Variants in SMYD3 observed in about 807,000 individuals in gnomAD.
The protein encoded by SMYD3 is histone-lysine N-methyltransferase SMYD3.
SMYD3 carries 36 observed loss-of-function variants against 57.7 expected under a neutral mutation model. That is an observed-to-expected ratio of 0.62 (90% CI 0.48 to 0.82). The LOEUF (loss-of-function observed/expected upper bound fraction) is 0.82. SMYD3 is among the 40% of genes least tolerant of loss of function. The pLI, the probability that SMYD3 is intolerant of heterozygous loss-of-function variation, is 0.00. For missense variants in SMYD3, 515 were observed against 538.8 expected (o/e 0.96, Z 0.44); for synonymous variants, 211 against 195.0 (o/e 1.08, Z -0.68).
chr1:246,498,183 T>C (rs2068393999), intron 1 of SMYD3, among the ~76,000 whole-genome samples: 1 of 152,194 alleles, frequency 6.6e-6, no homozygotes, highest in South Asian at 2.1e-4. Flanking sequence ...TTGAGGAATC[T>C]ACCCTGAAGA....
chr1:245,977,953 AAAG>A (rs941071113), intron 5 of SMYD3, among the ~76,000 whole-genome samples: 4 of 152,206 alleles, frequency 2.6e-5, no homozygotes, highest in African/African-American at 4.8e-5. Flanking sequence ...TTTTACAGAT[AAAG>A]AAGATGTGAA....
intron 5 of SMYD3, chr1:245,955,997 T>A (rs2147966617): frequency 5.1e-6 from 5 of 985,400 alleles, no homozygotes; most frequent in Non-Finnish European, 6.0e-6. Flanking sequence ...TGAAGAGAAT[T>A]TCCATAGGAA....
At chr1:245,924,243 A>C (rs554420719) in intron 7 of SMYD3, among the ~76,000 whole-genome samples, 3 of 152,328 alleles carry the variant, frequency 2.0e-5, no homozygotes, top group South Asian at 4.2e-4. Flanking sequence ...TCAGCAATCC[A>C]GTCAAGTGAG....
At chr1:246,304,921 T>G (rs1235364649) in intron 5 of SMYD3, among the ~76,000 whole-genome samples, 1 of 152,224 alleles carries the variant, frequency 6.6e-6, no homozygotes, top group Non-Finnish European at 1.5e-5. Context: ...TTTTTTATGT[T>G]CCTGCACTCC....
chr1:246,084,686 A>C (rs917463848), intron 5 of SMYD3, among the ~76,000 whole-genome samples: 6 of 152,226 alleles, frequency 3.9e-5, no homozygotes, highest in African/African-American at 1.4e-4. Flanking sequence ...TTACCTCTGA[A>C]AAATATATTT....
chr1:246,465,231 T>A (rs1321649032), intron 1 of SMYD3, among the ~76,000 whole-genome samples: 1 of 152,202 alleles, frequency 6.6e-6, no homozygotes, highest in Non-Finnish European at 1.5e-5. Context: ...TGTTTTCTTG[T>A]CAAATCTGTT....
chr1:246,204,283 A>T (rs1240870425), intron 5 of SMYD3, among the ~76,000 whole-genome samples: 3 of 152,236 alleles, frequency 2.0e-5, no homozygotes, highest in South Asian at 4.1e-4. Context: ...TCATCCTCAC[A>T]TTAATGAAAA....
Position 246,272,684 on chromosome 1 carries a change from G to C in SMYD3, c.531+54517C>G, listed in dbSNP as rs553412297. 9.8e-4 allele frequency among the ~76,000 whole-genome samples: 149 copies of C among 152,200 alleles called. 1 individual carries two copies. Among genetic ancestry groups the C allele is most frequent in the African/African-American group, 3.6e-3 (148 of 41,536 alleles). On this transcript the variant is annotated intron_variant, in intron 5 of 11. Coordinates refer to ENST00000490107, the MANE Select transcript of SMYD3 (RefSeq NM_001167740.2). ...TTTAATATGCTGCTAAATTTGGTTT[G>C]CTAGTATTCTGTTGAAAATTTTTAC...
intron 5 of SMYD3, among the ~76,000 whole-genome samples, chr1:246,257,726 T>A (rs2063922839): frequency 6.6e-6 from 1 of 152,232 alleles, no homozygotes; most frequent in South Asian, 2.1e-4. Context: ...GTGGGCTATG[T>A]GCTTAAGGTG....
intron 6 of SMYD3, 115 bp from the exon 7 acceptor site, chr1:245,928,148 G>A: frequency 1.5e-6 from 1 of 688,488 alleles, no homozygotes; most frequent in Non-Finnish European, 2.5e-6. Flanking sequence ...AGGTAGGGTT[G>A]ACAGGATGCC....
At chr1:246,088,667 A>T (rs189053898) in intron 5 of SMYD3, among the ~76,000 whole-genome samples, 38 of 152,246 alleles carry the variant, frequency 2.5e-4, no homozygotes, top group Non-Finnish European at 4.6e-4. Flanking sequence ...TCCAACTAAA[A>T]TTTTATTTTA....
chr1:246,049,661 C>T (rs1049851406), intron 5 of SMYD3, among the ~76,000 whole-genome samples: 4 of 152,158 alleles, frequency 2.6e-5, no homozygotes, highest in African/African-American at 4.8e-5. Flanking sequence ...ACGTCAACTG[C>T]GCTGTGCCAG....
chr1:246,263,346 G>GAAAT (rs200878126), intron 5 of SMYD3, among the ~76,000 whole-genome samples: 1 of 120,734 alleles, frequency 8.3e-6, no homozygotes, highest in East Asian at 3.8e-4. Flanking sequence ...GGATGTATGT[G>GAAAT]ACCTGGGCAC....
chr1:246,001,537 G>GC (rs150069389), intron 5 of SMYD3, among the ~76,000 whole-genome samples: 77,138 of 152,030 alleles, frequency 0.51, 23,447 homozygotes, highest in Middle Eastern at 0.69. Context: ...AGCCACCCTT[G>GC]CCAAAATCTA....
chr1:245,886,029 T>C (rs1347042053), intron 8 of SMYD3, among the ~76,000 whole-genome samples: 1 of 152,220 alleles, frequency 6.6e-6, no homozygotes, highest in Non-Finnish European at 1.5e-5. Flanking sequence ...TGCTACTTTA[T>C]GTGTTCCATT....
intron 5 of SMYD3, chr1:245,955,894 T>C: frequency 3.1e-6 from 3 of 965,578 alleles, no homozygotes; most frequent in Non-Finnish European, 2.5e-6. Context: ...TTTTTTTGGC[T>C]CAACATTATA....
chr1:246,141,445 A>C (rs1572096888), intron 5 of SMYD3, among the ~76,000 whole-genome samples: 1 of 148,824 alleles, frequency 6.7e-6, no homozygotes, highest in East Asian at 1.9e-4. Flanking sequence ...TATTCAAAGG[A>C]ATTTTAATGT....
intron 8 of SMYD3, among the ~76,000 whole-genome samples, chr1:245,898,526 G>C (rs1375207685): frequency 6.6e-6 from 1 of 152,180 alleles, no homozygotes; most frequent in East Asian, 1.9e-4. Flanking sequence ...CTGAATGCTT[G>C]AACATTTCTG....
chr1:246,362,435 CCCACGGTCTCCCTCTCCCTCTCCCTCT>C (rs58909192), intron 1 of SMYD3, among the ~76,000 whole-genome samples: 103,632 of 138,630 alleles, frequency 0.75, 36,160 homozygotes, highest in Middle Eastern at 0.83. Flanking sequence ...CTCTCCCTTT[CCCACGGTCTCCCTCTCCCTCTCCCTCT>C]CCACGGTCTC....
Sources: gnomAD v4.1 joint callset for allele counts (sites outside exome capture counted in the v4.1 genomes callset) on GRCh38, gnomAD v4.1.1 for gene constraint, MANE v1.5 for transcripts, NCBI Gene and HGNC (gene_info 2026-07-23, HGNC 2026-07-21) for gene names.